IGSF21: variants seen among roughly 807,000 people sequenced by gnomAD.
IGSF21 encodes the protein immunoglobulin superfamily member 21.
A neutral mutation model predicts 46.8 loss-of-function variants in IGSF21; 28 were observed. The observed-to-expected ratio is 0.60, with a 90% CI of 0.44 to 0.82. The LOEUF (loss-of-function observed/expected upper bound fraction) is 0.82. IGSF21 is among the 40% of genes least tolerant of loss of function. IGSF21 has a pLI of 0.00. For synonymous variants in IGSF21, 284 were observed against 273.6 expected (o/e 1.04, Z -0.38); for missense variants, 624 against 665.5 (o/e 0.94, Z 0.69).
chr1:18,135,925 T>TG (rs1344947231), intron 1 of IGSF21, among the ~76,000 whole-genome samples: 1 of 152,214 alleles, frequency 6.6e-6, no homozygotes, highest in Non-Finnish European at 1.5e-5. Flanking sequence ...CAGCACCTGT[T>TG]GTTTCCTGAC....
At position 18,337,864 on chromosome 1, in the gene IGSF21, G is replaced by C. The variant is rs1444827425; in HGVS notation, c.424+2854G>C. On this transcript the variant is annotated intron_variant, in intron 4 of 9. Coordinates refer to ENST00000251296, the MANE Select transcript of IGSF21 (RefSeq NM_032880.5). This position sits in a 1 kb window ranked among gnomAD's most constrained non-coding sequence, Gnocchi z 5.7. ...ATTATCTCTAACTCACAGATGAAGA[G>C]ACTGAGACCCAGGGAAGGGAATGAA... 6.6e-6 allele frequency among the ~76,000 whole-genome samples: 1 copy of C among 152,192 alleles called. No homozygotes were observed. The highest frequency in any genetic ancestry group is 1.5e-5 in the Non-Finnish European group (1 of 68,038).
chr1:18,249,874 T>C (rs184805833), intron 2 of IGSF21, among the ~76,000 whole-genome samples: 149 of 152,296 alleles, frequency 9.8e-4, no homozygotes, highest in African/African-American at 3.2e-3. Flanking sequence ...TTTGTGTGTC[T>C]TCAGCCTCAT....
chr1:18,299,168 C>A (rs1054242358), intron 3 of IGSF21, among the ~76,000 whole-genome samples: 1 of 152,046 alleles, frequency 6.6e-6, no homozygotes, highest in African/African-American at 2.4e-5. Flanking sequence ...GTCAGAGGGC[C>A]CCATGTGTGC....
intron 2 of IGSF21, among the ~76,000 whole-genome samples, chr1:18,255,582 G>A (rs564283878): frequency 2.0e-5 from 3 of 151,874 alleles, no homozygotes; most frequent in African/African-American, 7.2e-5. Flanking sequence ...GTTCATCTCT[G>A]TTCTAAATCA....
At chr1:18,166,536 C>T (rs555040322) in intron 1 of IGSF21, among the ~76,000 whole-genome samples, 33 of 152,296 alleles carry the variant, frequency 2.2e-4, no homozygotes, top group Admixed American at 5.2e-4. Context: ...GCTGTGAGGA[C>T]GAAATGAGAT....
chr1:18,248,045 A>T (rs1557605971), intron 2 of IGSF21, among the ~76,000 whole-genome samples: 2 of 152,188 alleles, frequency 1.3e-5, no homozygotes, highest in Non-Finnish European at 2.9e-5. Flanking sequence ...GGATTAAAGC[A>T]TCTACACTGG....
intron 1 of IGSF21, among the ~76,000 whole-genome samples, chr1:18,137,152 G>A (rs2086374324): frequency 6.6e-6 from 1 of 152,148 alleles, no homozygotes; most frequent in Admixed American, 6.5e-5. Flanking sequence ...AAAGTGAAGG[G>A]GGAGCAGGTG....
In IGSF21 at chr1:18,257,026, T is replaced by C. The variant is rs185870026; in HGVS notation, c.183+29016T>C. 7.1e-3 allele frequency among the ~76,000 whole-genome samples: 1,085 copies of C among 152,266 alleles called. 9 individuals are homozygous for C. The highest frequency in any genetic ancestry group is 0.013 in the Non-Finnish European group (875 of 68,010). ...CTCAAACCCAGCCCTCTTGGTAATA[T>C]TGGATTAGCCCACTTTCTTGAAAGC... On this transcript the variant is annotated intron_variant, in intron 2 of 9. Coordinates refer to ENST00000251296, the MANE Select transcript of IGSF21 (RefSeq NM_032880.5).
At chr1:18,242,262 G>A (rs1176775469) in intron 2 of IGSF21, among the ~76,000 whole-genome samples, 1 of 152,130 alleles carries the variant, frequency 6.6e-6, no homozygotes, top group Non-Finnish European at 1.5e-5. Context: ...GTAAGGAAGG[G>A]CCCCTTCTCC....
At chr1:18,372,057 T>G (rs911368475) in intron 6 of IGSF21, among the ~76,000 whole-genome samples, 1 of 152,212 alleles carries the variant, frequency 6.6e-6, no homozygotes, top group Admixed American at 6.6e-5. Context: ...AATGCTGGTG[T>G]AACCACCACC....
intron 4 of IGSF21, among the ~76,000 whole-genome samples, chr1:18,336,377 T>G (rs1422648407): frequency 2.6e-5 from 4 of 152,176 alleles, no homozygotes; most frequent in African/African-American, 9.7e-5. Flanking sequence ...GTTATGTCAT[T>G]TAGTCCTCAC....
intron 1 of IGSF21, among the ~76,000 whole-genome samples, chr1:18,214,248 C>A (rs2084420421): frequency 6.6e-6 from 1 of 152,034 alleles, no homozygotes; most frequent in Non-Finnish European, 1.5e-5. Context: ...TCAAAAGAGC[C>A]CGGGAGGTCG....
At chr1:18,134,659 CCCCACCACAGCA>C (rs1338616693) in intron 1 of IGSF21, among the ~76,000 whole-genome samples, 1 of 152,154 alleles carries the variant, frequency 6.6e-6, no homozygotes, top group African/African-American at 2.4e-5. Context: ...CCCCCCTCTT[CCCCACCACAGCA>C]CCCACCACAA....
chr1:18,231,927 G>GTGTT (rs1225677163), intron 2 of IGSF21, among the ~76,000 whole-genome samples: 1 of 146,826 alleles, frequency 6.8e-6, no homozygotes, highest in East Asian at 2.0e-4. Flanking sequence ...TAGATCGTGT[G>GTGTT]TGTGTGTGTG....
At chr1:18,361,018 T>G (rs1180469034) in intron 4 of IGSF21, among the ~76,000 whole-genome samples, 1 of 151,632 alleles carries the variant, frequency 6.6e-6, no homozygotes, top group East Asian at 1.9e-4. Context: ...CCAGGGGCAG[T>G]GGGTGAGGAG....
At position 18,177,883 on chromosome 1, in the gene IGSF21, G is replaced by T. The variant is rs149806020; in HGVS notation, c.71-50015G>T. On this transcript the variant is annotated intron_variant, in intron 1 of 9. Transcript: ENST00000251296. ...AAGATGATGAATTTGGATCTCCTAGGGGGTGGATGAAGAGGCGCTGAGATT... is the reference window on the plus strand; with the variant it reads ...AAGATGATGAATTTGGATCTCCTAGTGGGTGGATGAAGAGGCGCTGAGATT... Among the ~76,000 whole-genome samples, 367 of 152,236 alleles carry T rather than the reference G, an allele frequency of 2.4e-3. 1 individual carries two copies. Among genetic ancestry groups the T allele is most frequent in the African/African-American group, 8.6e-3 (358 of 41,550 alleles).
chr1:18,318,465 CGTGTGTGTGTGT>C (rs60257732), intron 3 of IGSF21, among the ~76,000 whole-genome samples: 389 of 148,800 alleles, frequency 2.6e-3, no homozygotes, highest in African/African-American at 8.7e-3. Context: ...TGCGTGCGTG[CGTGTGTGTGTGT>C]GTGTGTGTGT....
rs556496556 is a variant in IGSF21, at chr1:18,362,340, A to G, written c.540+110A>G. ...GTGCCTGGAAAGGGAGTGGTTGGCCAGGGCTGACTCTGTCCCCATCTGCCT... is the reference window on the plus strand; with the variant it reads ...GTGCCTGGAAAGGGAGTGGTTGGCCGGGGCTGACTCTGTCCCCATCTGCCT... On this transcript the variant is annotated intron_variant, in intron 5 of 9. Coordinates refer to ENST00000251296, the MANE Select transcript of IGSF21 (RefSeq NM_032880.5). 91 of 764,266 alleles carry G rather than the reference A, an allele frequency of 1.2e-4. 1 individual carries two copies. The African/African-American group carries it at 1.5e-3, about 13-fold the overall frequency. 47.3% of individuals were successfully genotyped at this position (764,266 alleles called of 1,614,324 possible).
chr1:18,165,292 T>A (rs542764356), intron 1 of IGSF21, among the ~76,000 whole-genome samples: 1 of 152,200 alleles, frequency 6.6e-6, no homozygotes, highest in Admixed American at 6.5e-5. Flanking sequence ...GCTGGCAGCG[T>A]TGGTTTCTTG....
Sources: allele counts gnomAD v4.1 joint callset (sites outside exome capture counted in the v4.1 genomes callset), GRCh38; gene constraint gnomAD v4.1.1; non-coding constraint Gnocchi (gnomAD v3.1); transcripts MANE v1.5; gene names NCBI Gene and HGNC (gene_info 2026-07-23, HGNC 2026-07-21).